The following KDM5A variants were observed in gnomAD, a reference collection of about 807,000 sequenced individuals.
The protein encoded by KDM5A is lysine demethylase 5A, also known as lysine-specific demethylase 5A.
KDM5A carries 42 observed loss-of-function variants against 193.5 expected under a neutral mutation model. The ratio of observed to expected loss-of-function variants is 0.22; its 90% confidence interval spans 0.17 to 0.28. The LOEUF is 0.28. Among genes scored for constraint, KDM5A ranks in the 10% least tolerant of loss-of-function variants. The pLI, the probability that KDM5A is intolerant of heterozygous loss-of-function variation, is 1.00. For missense variants in KDM5A, 1,692 were observed against 2,055.1 expected (o/e 0.82, Z 3.42); for synonymous variants, 796 against 718.1 (o/e 1.11, Z -1.73).
Position 285,260 on chromosome 12 carries a change from C to T in KDM5A, c.*196G>A. On this transcript the variant is annotated 3_prime_UTR_variant, in exon 28 of 28. Coordinates refer to ENST00000399788, the MANE Select transcript of KDM5A (RefSeq NM_001042603.3). Reference sequence around the variant, plus strand: ...TTGGCTGTTGTACCAAAGAAGACACCCTCTGCATAGATATGTTGATAGAGA... The same window carrying T: ...TTGGCTGTTGTACCAAAGAAGACACTCTCTGCATAGATATGTTGATAGAGA... 1.7e-6 allele frequency: 1 copy of T among 606,062 alleles called. No homozygotes were observed. 37.5% of individuals were successfully genotyped at this position (606,062 alleles called of 1,614,324 possible). A position where few individuals can be genotyped will look rare whatever the true frequency, so the allele number is the denominator to read the frequency against.
intron 25 of KDM5A, 61 bp downstream of exon 25, chr12:296,980 T>C: frequency 6.5e-7 from 1 of 1,535,440 alleles, no homozygotes. Context: ...TTGATTAACA[T>C]AATGCTTTTT....
At chr12:364,391 C>G (rs1944326578) in intron 4 of KDM5A, among the ~76,000 whole-genome samples, 1 of 151,322 alleles carries the variant, frequency 6.6e-6, no homozygotes, top group Non-Finnish European at 1.5e-5. Context: ...GTAGGAGAAT[C>G]ACTTGAAACC....
At chr12:286,055 A>C (rs1250338951) in intron 27 of KDM5A, 2 of 420,002 alleles carry the variant, frequency 4.8e-6, no homozygotes, top group African/African-American at 4.1e-5. Context: ...AGAGTACAAC[A>C]ATGTGAAGGC....
At chr12:356,122 G>GT (rs1944227130) in intron 6 of KDM5A, among the ~76,000 whole-genome samples, 1 of 152,104 alleles carries the variant, frequency 6.6e-6, no homozygotes, top group South Asian at 2.1e-4. Context: ...AGCTCACGAG[G>GT]TAAGAACCAT....
At chr12:383,052 C>T (rs928491346) in intron 3 of KDM5A, among the ~76,000 whole-genome samples, 3 of 151,666 alleles carry the variant, frequency 2.0e-5, no homozygotes, top group East Asian at 3.9e-4. Context: ...TCAGCAAAAA[C>T]TTGTCTAAAC....
chr12:380,870 A>C (rs1591942422), intron 3 of KDM5A, among the ~76,000 whole-genome samples: 1 of 152,202 alleles, frequency 6.6e-6, no homozygotes, highest in South Asian at 2.1e-4. Context: ...ATCTCAACTC[A>C]CTGCAACCTC....
chr12:328,344 C>T (rs1943818287), intron 14 of KDM5A, among the ~76,000 whole-genome samples: 1 of 152,160 alleles, frequency 6.6e-6, no homozygotes, highest in Non-Finnish European at 1.5e-5. Flanking sequence ...GCTGAAGATA[C>T]ACATTTTCTC....
At chr12:331,741 G>A in intron 13 of KDM5A, 78 bp downstream of exon 13, 1 of 1,553,640 alleles carries the variant, frequency 6.4e-7, no homozygotes, top group Non-Finnish European at 8.9e-7. Context: ...GCCCAGCTAA[G>A]CAAATATGGC....
intron 24 of KDM5A, among the ~76,000 whole-genome samples, chr12:297,707 T>C (rs1218472390): frequency 3.3e-5 from 5 of 152,176 alleles, no homozygotes; most frequent in Admixed American, 6.5e-5. Context: ...TTCTGGCTTG[T>C]AGGTGCACCT....
At chr12:327,619 G>T (rs559798538) in intron 14 of KDM5A, among the ~76,000 whole-genome samples, 51 of 152,312 alleles carry the variant, frequency 3.3e-4, no homozygotes, top group Admixed American at 1.7e-3. Flanking sequence ...TAAGGCAGGA[G>T]AATCGCTGAA....
intron 11 of KDM5A, among the ~76,000 whole-genome samples, chr12:333,934 G>A (rs937376780): frequency 1.3e-5 from 2 of 152,146 alleles, no homozygotes; most frequent in Admixed American, 6.5e-5. Flanking sequence ...AAACGGGAAA[G>A]ACACTATATG....
chr12:303,002 A>G (rs1943463690), intron 24 of KDM5A, among the ~76,000 whole-genome samples: 1 of 152,214 alleles, frequency 6.6e-6, no homozygotes, highest in Non-Finnish European at 1.5e-5. Context: ...CAATCATTAA[A>G]AAGTCAGGAA....
intron 10 of KDM5A, 31 bp from the exon 11 acceptor site, chr12:334,453 G>T: frequency 1.3e-6 from 2 of 1,585,624 alleles, no homozygotes; most frequent in African/African-American, 1.3e-5. Context: ...GTAAATGAAA[G>T]ATCAGAAATG....
intron 10 of KDM5A, among the ~76,000 whole-genome samples, chr12:346,196 A>G (rs909985439): frequency 3.3e-5 from 5 of 152,138 alleles, no homozygotes; most frequent in African/African-American, 1.2e-4. Context: ...GGACACATAC[A>G]CTCTCCCAAG....
chr12:367,655 T>C (rs1477136380), intron 3 of KDM5A, among the ~76,000 whole-genome samples: 3 of 152,028 alleles, frequency 2.0e-5, no homozygotes, highest in African/African-American at 7.3e-5. Flanking sequence ...TTAGCTGAGA[T>C]TGTGCCACTG....
Position 352,208 on chromosome 12 carries a change from G to T in KDM5A, c.1146C>A (p.Val382=), listed in dbSNP as rs74736498. ...NFKSDYFNMP[V]HMVPTELVEK... ...ACCTAAAAGATAGCTTACTCACATG[G>T]ACTGGCATATTAAAATAATCAGACT... The change falls in exon 9 of 28, where the codon GTC becomes GTA. Residue 382 remains valine (V), a synonymous_variant. Coordinates refer to ENST00000399788, the MANE Select transcript of KDM5A (RefSeq NM_001042603.3). 3 of 1,610,644 alleles carry T rather than the reference G, an allele frequency of 1.9e-6. No individual in the cohort carries two copies.
intron 10 of KDM5A, among the ~76,000 whole-genome samples, chr12:344,356 A>AG (rs1351612655): frequency 6.6e-6 from 1 of 152,246 alleles, no homozygotes; most frequent in Admixed American, 6.5e-5. Context: ...GATATTATCC[A>AG]GGAGAACTTC....
At position 281,359 on chromosome 12, in the gene KDM5A, T is replaced by C. The variant is rs75503655; in HGVS notation, c.*4097A>G. Reference sequence around the variant, plus strand: ...AGAAAAAACAAACAAGATACAGCTTTCATAACCCATCATATCCTTGCCCAG... The same window carrying C: ...AGAAAAAACAAACAAGATACAGCTTCCATAACCCATCATATCCTTGCCCAG... On this transcript the variant is annotated 3_prime_UTR_variant, in exon 28 of 28. Coordinates refer to ENST00000399788, the MANE Select transcript of KDM5A (RefSeq NM_001042603.3). 2,767 of 233,130 alleles carry C rather than the reference T, an allele frequency of 0.012. 23 individuals are homozygous for C. Among genetic ancestry groups the C allele is most frequent in the Middle Eastern group, 0.02 (16 of 786 alleles). The allele number at this position is 233,130 out of a possible 1,614,324, so 14.4% of individuals were successfully genotyped here. A position where few individuals can be genotyped will look rare whatever the true frequency, so the allele number is the denominator to read the frequency against.
At chr12:388,480 G>A (rs1378781027) in intron 1 of KDM5A, 1 of 371,594 alleles carries the variant, frequency 2.7e-6, no homozygotes, top group Non-Finnish European at 5.3e-6. Flanking sequence ...ATACCATCCG[G>A]TGAGACTAGA....
Sources: allele counts gnomAD v4.1 joint callset (sites outside exome capture counted in the v4.1 genomes callset), GRCh38; gene constraint gnomAD v4.1.1; transcripts MANE v1.5; gene names NCBI Gene and HGNC (gene_info 2026-07-23, HGNC 2026-07-21).